CYFIP2: variants seen among roughly 807,000 people sequenced by gnomAD.
CYFIP2 encodes the protein cytoplasmic FMR1-interacting protein 2.
In CYFIP2, 29 loss-of-function variants were observed where a neutral mutation model predicts 158.7. That is an observed-to-expected ratio of 0.18 (90% CI 0.14 to 0.25). The LOEUF (loss-of-function observed/expected upper bound fraction) is 0.25. CYFIP2 is among the 10% of genes least tolerant of loss of function. The probability of loss-of-function intolerance (pLI) is 1.00; values close to 1 mark genes in which losing one functional copy is unlikely to be tolerated. For missense variants in CYFIP2, 852 were observed against 1,639.5 expected (o/e 0.52, Z 8.29); for synonymous variants, 585 against 617.6 (o/e 0.95, Z 0.78).
At chr5:157,282,940 A>T (rs1331115244) in intron 1 of CYFIP2, among the ~76,000 whole-genome samples, 1 of 152,194 alleles carries the variant, frequency 6.6e-6, no homozygotes, top group Non-Finnish European at 1.5e-5. Flanking sequence ...TGTGCACATG[A>T]TTTTTTGGCA....
chr5:157,389,456 A>T (rs772146322), intron 29 of CYFIP2, 29 bp downstream of exon 29: 11 of 1,515,728 alleles, frequency 7.3e-6, no homozygotes, highest in Middle Eastern at 1.7e-4. Context: ...AGGCAGGGTT[A>T]CCCCCAACCT....
chr5:157,348,563 C>A (rs951328676), intron 23 of CYFIP2, among the ~76,000 whole-genome samples: 1 of 152,190 alleles, frequency 6.6e-6, no homozygotes, highest in African/African-American at 2.4e-5. Flanking sequence ...AGGTGTGCAC[C>A]ACCATGCCCA....
intron 28 of CYFIP2, among the ~76,000 whole-genome samples, chr5:157,383,847 A>G (rs1179035556): frequency 6.6e-6 from 1 of 152,270 alleles, no homozygotes; most frequent in African/African-American, 2.4e-5. Flanking sequence ...CATATCACGT[A>G]TGTACTTAAT....
chr5:157,329,765 C>G (rs1162547683), intron 19 of CYFIP2, among the ~76,000 whole-genome samples: 2 of 152,190 alleles, frequency 1.3e-5, no homozygotes, highest in African/African-American at 4.8e-5. Flanking sequence ...TTGGACCAGC[C>G]ACATCTCAAG....
At chr5:157,310,205 G>A (rs1029028093) in intron 10 of CYFIP2, among the ~76,000 whole-genome samples, 16 of 152,182 alleles carry the variant, frequency 1.1e-4, no homozygotes, top group Admixed American at 2.0e-4. Context: ...TTAGGTGACC[G>A]TGCGCTAAGT....
At position 157,361,944 on chromosome 5, in the gene CYFIP2, T is replaced by TAACA. The variant is rs149630382; in HGVS notation, c.3039+347_3039+350dup. 2.7e-3 allele frequency among the ~76,000 whole-genome samples: 409 copies of TAACA among 152,300 alleles called. 2 individuals are homozygous for TAACA. Among genetic ancestry groups the TAACA allele is most frequent in the African/African-American group, 9.0e-3 (376 of 41,556 alleles). On this transcript the variant is annotated intron_variant, in intron 26 of 30. Coordinates refer to ENST00000620254, the MANE Select transcript of CYFIP2 (RefSeq NM_001037333.3). This position sits in a 1 kb window ranked among gnomAD's most constrained non-coding sequence, Gnocchi z 4.4. ...CAAGGAGAACTGAGCAGTTCTCTCT[T>TAACA]AACACCCCACCTCTCCAATGGCTTG...
At chr5:157,367,308 C>T (rs1216089151) in intron 26 of CYFIP2, among the ~76,000 whole-genome samples, 1 of 152,168 alleles carries the variant, frequency 6.6e-6, no homozygotes, top group Non-Finnish European at 1.5e-5. Flanking sequence ...CAGTAGTACC[C>T]TTCATTGTGG....
At chr5:157,368,118 C>T (rs1026829748) in intron 26 of CYFIP2, among the ~76,000 whole-genome samples, 1 of 152,142 alleles carries the variant, frequency 6.6e-6, no homozygotes, top group African/African-American at 2.4e-5. Flanking sequence ...AGCAGATTTT[C>T]TCATATAAAA....
rs370184404 is a variant in CYFIP2, at chr5:157,392,936, C to G, written c.3698C>G (p.Ser1233Cys). The G allele has an allele frequency of 4.3e-6, 7 of 1,613,942 alleles. No individual in the cohort carries two copies. In the South Asian group the frequency reaches 6.6e-5, roughly 15 times the overall value. Residue 1233 changes from serine to cysteine, a missense_variant, in exon 31 of 31, where the codon TCC (serine) becomes TGC (cysteine). Ser to Cys is a moderately radical substitution (Grantham distance 112, BLOSUM62 -1). Transcript: ENST00000620254. ...ATGAAGTCCGTGGAGACAGACAGTT[C>G]CACTGTGGAGCATGTGCGCTGCTTC... ...KYMKSVETDS[S>C]TVEHVRCFQP...
chr5:157,326,719 T>C (rs1761050213), intron 18 of CYFIP2, among the ~76,000 whole-genome samples: 1 of 152,122 alleles, frequency 6.6e-6, no homozygotes, highest in African/African-American at 2.4e-5. Flanking sequence ...AAGGGGAGAA[T>C]GGGGCCTGAG....
chr5:157,286,995 T>C, intron 2 of CYFIP2, 24 bp from the exon 3 acceptor site: 2 of 1,603,476 alleles, frequency 1.2e-6, no homozygotes, highest in Non-Finnish European at 1.7e-6. Context: ...ACAACCAAAA[T>C]GTTCCTGTCC....
At chr5:157,305,032 T>A (rs1459289956) in intron 8 of CYFIP2, among the ~76,000 whole-genome samples, 2 of 152,242 alleles carry the variant, frequency 1.3e-5, no homozygotes, top group African/African-American at 4.8e-5. Context: ...CTGCTGTTAC[T>A]TAGAATAATG....
At chr5:157,299,780 T>C (rs1177630916) in intron 5 of CYFIP2, among the ~76,000 whole-genome samples, 1 of 152,104 alleles carries the variant, frequency 6.6e-6, no homozygotes, top group Admixed American at 6.5e-5. Context: ...TGCATGCCTG[T>C]AATCTCAGCT....
chr5:157,298,967 T>C (rs1758483196), intron 5 of CYFIP2, among the ~76,000 whole-genome samples: 1 of 152,222 alleles, frequency 6.6e-6, no homozygotes, highest in South Asian at 2.1e-4. Flanking sequence ...TATCCATTCA[T>C]CAGTTGATGG....
Position 157,314,963 on chromosome 5 carries a change from C to T in CYFIP2, c.1231-6C>T, listed in dbSNP as rs1466204771. 1 of 1,560,736 alleles carries T rather than the reference C, an allele frequency of 6.4e-7. No individual in the cohort carries two copies. The highest frequency in any genetic ancestry group is 2.4e-5 in the East Asian group (1 of 42,150). On this transcript the variant is annotated splice_polypyrimidine_tract_variant and splice_region_variant and intron_variant, in intron 12 of 30. Coordinates refer to ENST00000620254, the MANE Select transcript of CYFIP2 (RefSeq NM_001037333.3). ...TGGACGTTTGGTTTGTTCCCACTCT[C>T]CCCAGTACTCTTGGAAGCTGGTTCA... is the stretch of plus-strand genomic sequence containing the variant.
intron 28 of CYFIP2, among the ~76,000 whole-genome samples, chr5:157,386,471 C>T (rs1766702476): frequency 6.6e-6 from 1 of 152,162 alleles, no homozygotes; most frequent in Admixed American, 6.5e-5. Context: ...AAGGAACAGG[C>T]TTCACACAGG....
intron 26 of CYFIP2, among the ~76,000 whole-genome samples, chr5:157,371,167 C>G (rs1309323156): frequency 6.6e-6 from 1 of 152,160 alleles, no homozygotes; most frequent in Non-Finnish European, 1.5e-5. Flanking sequence ...TTCACAGGCT[C>G]TGTATCCTCG....
intron 26 of CYFIP2, among the ~76,000 whole-genome samples, chr5:157,371,385 G>A (rs114142394): frequency 0.022 from 3,373 of 152,016 alleles, 119 homozygotes; most frequent in African/African-American, 0.075. Flanking sequence ...TTGTCTTTTT[G>A]TTGCCTCAAA....
intron 28 of CYFIP2, chr5:157,384,187 C>T: frequency 2.4e-6 from 1 of 419,802 alleles, no homozygotes; most frequent in Non-Finnish European, 4.8e-6. Context: ...CGATGAACAT[C>T]AAGATGAGTA....
Sources: allele counts gnomAD v4.1 joint callset (sites outside exome capture counted in the v4.1 genomes callset), GRCh38; gene constraint gnomAD v4.1.1; non-coding constraint Gnocchi (gnomAD v3.1); transcripts MANE v1.5; gene names NCBI Gene and HGNC (gene_info 2026-07-23, HGNC 2026-07-21).